Variants in RSRC1 observed in about 807,000 individuals in gnomAD.
RSRC1 encodes arginine and serine rich coiled-coil 1, also known as serine/Arginine-related protein 53.
Under a neutral mutation model 49.1 loss-of-function variants are expected in RSRC1, and 39 were observed. The observed-to-expected ratio is 0.79, with a 90% CI of 0.61 to 1.04. The LOEUF (loss-of-function observed/expected upper bound fraction) is 1.04. Ranked by LOEUF, RSRC1 falls within the 50% of genes least tolerant of loss-of-function variation. The pLI is 0.00. For synonymous variants in RSRC1, 143 were observed against 130.8 expected, an observed-to-expected ratio of 1.09 and a Z score of -0.63; for missense variants, 388 against 402.4, an observed-to-expected ratio of 0.96 and a Z score of 0.31.
intron 6 of RSRC1, among the ~76,000 whole-genome samples, chr3:158,426,120 A>G (rs1276677555): frequency 6.6e-6 from 1 of 151,748 alleles, no homozygotes; most frequent in African/African-American, 2.4e-5. Context: ...TGAAATTTTC[A>G]AACTTTTAGA....
At position 158,268,276 on chromosome 3, in the gene RSRC1, C is replaced by T. The variant is rs184251685; in HGVS notation, c.495-29763C>T. 4.1e-3 allele frequency among the ~76,000 whole-genome samples: 619 copies of T among 152,246 alleles called. 4 individuals carry two copies. Among genetic ancestry groups the T allele is most frequent in the African/African-American group, 0.013 (554 of 41,546 alleles). ...TTGGTTAATACACTTAATTTAAAAACGCATCAAAGGTATATTTCTCTCTAA... is the reference window on the plus strand; with the variant it reads ...TTGGTTAATACACTTAATTTAAAAATGCATCAAAGGTATATTTCTCTCTAA... On this transcript the variant is annotated intron_variant, in intron 4 of 9. Transcript: ENST00000611884.
chr3:158,358,794 C>G (rs1236346324), intron 6 of RSRC1, among the ~76,000 whole-genome samples: 2 of 152,062 alleles, frequency 1.3e-5, no homozygotes, highest in African/African-American at 4.8e-5. Context: ...AACCACCATT[C>G]TCCCTCTGTC....
At chr3:158,115,469 C>T (rs1466545732) in intron 1 of RSRC1, among the ~76,000 whole-genome samples, 1 of 152,078 alleles carries the variant, frequency 6.6e-6, no homozygotes, top group African/African-American at 2.4e-5. Flanking sequence ...TCTCTTTACA[C>T]TCTGAAACAT....
chr3:158,450,633 T>C (rs1418547512), intron 6 of RSRC1, among the ~76,000 whole-genome samples: 1 of 151,872 alleles, frequency 6.6e-6, no homozygotes, highest in African/African-American at 2.4e-5. Context: ...ATTATGACCA[T>C]AGTTTTATAG....
intron 6 of RSRC1, among the ~76,000 whole-genome samples, chr3:158,424,724 G>T (rs1182532085): frequency 1.3e-5 from 2 of 151,844 alleles, no homozygotes; most frequent in Admixed American, 6.6e-5. Flanking sequence ...CCTTTTTGGT[G>T]GGTAAGCTAT....
At chr3:158,168,292 G>A (rs770072795) in intron 3 of RSRC1, among the ~76,000 whole-genome samples, 38 of 152,162 alleles carry the variant, frequency 2.5e-4, no homozygotes, top group Non-Finnish European at 4.4e-4. Flanking sequence ...AGCTGATCCA[G>A]CTAACCACAA....
Position 158,147,339 on chromosome 3 carries a change from C to G in RSRC1, c.320+23348C>G, listed in dbSNP as rs141513705. On this transcript the variant is annotated intron_variant, in intron 3 of 9. Coordinates refer to ENST00000611884, the MANE Select transcript of RSRC1 (RefSeq NM_001271838.2). Reference sequence around the variant, plus strand: ...CACTGCAACCTTGACCACCTGGGCTCAATTGATCCTCTCATCTCAACCTCC... The same window carrying G: ...CACTGCAACCTTGACCACCTGGGCTGAATTGATCCTCTCATCTCAACCTCC... Among the ~76,000 whole-genome samples, 164 of 151,878 alleles carry G rather than the reference C, an allele frequency of 1.1e-3. 2 individuals are homozygous for G. Among genetic ancestry groups the G allele is most frequent in the African/African-American group, 3.8e-3 (159 of 41,396 alleles).
intron 4 of RSRC1, among the ~76,000 whole-genome samples, chr3:158,293,308 A>ATATG (rs1486530007): frequency 2.0e-5 from 3 of 152,008 alleles, no homozygotes; most frequent in African/African-American, 7.2e-5. Context: ...ACGTACGTAC[A>ATATG]TATGTATGTA....
intron 3 of RSRC1, among the ~76,000 whole-genome samples, chr3:158,138,833 A>G (rs1354767876): frequency 6.6e-6 from 1 of 152,216 alleles, no homozygotes; most frequent in East Asian, 1.9e-4. Context: ...CAAAAAATTA[A>G]TAATGATTAC....
rs56789942 is a variant in RSRC1 at position 158,202,562 on chromosome 3, T to TTATA, written c.321-494_321-491dup. Among the ~76,000 whole-genome samples the TTATA allele has an allele frequency of 5.4e-4, 50 of 92,022 alleles. 2 individuals are homozygous for TTATA. Among genetic ancestry groups the TTATA allele is most frequent in the African/African-American group, 1.5e-3 (28 of 18,896 alleles). The allele number at this position is 92,022 out of a possible 152,430, so 60.4% of individuals were successfully genotyped here. A position where few individuals can be genotyped will look rare whatever the true frequency, so the allele number is the denominator to read the frequency against. On this transcript the variant is annotated intron_variant, in intron 3 of 9. Transcript: ENST00000611884. ...TCTGTAGGGTTGTCAGTCTGGTAGA[T>TTATA]TATATATATATATATATATGTTTTA...
At chr3:158,209,152 A>C (rs1187220342) in intron 4 of RSRC1, among the ~76,000 whole-genome samples, 1 of 152,178 alleles carries the variant, frequency 6.6e-6, no homozygotes, top group African/African-American at 2.4e-5. Flanking sequence ...TGGTTTGAAT[A>C]TGTCTCCCAA....
At chr3:158,151,776 A>T (rs901525094) in intron 3 of RSRC1, among the ~76,000 whole-genome samples, 11 of 152,234 alleles carry the variant, frequency 7.2e-5, no homozygotes, top group Non-Finnish European at 1.3e-4. Context: ...ACACAGTGTC[A>T]TTATATGTAG....
chr3:158,480,488 G>A (rs1451492384), intron 7 of RSRC1, among the ~76,000 whole-genome samples: 3 of 151,944 alleles, frequency 2.0e-5, no homozygotes, highest in Non-Finnish European at 4.4e-5. Flanking sequence ...GTTAGAAAGT[G>A]CTCTGAATGC....
At chr3:158,487,384 T>A (rs1450247082) in intron 7 of RSRC1, among the ~76,000 whole-genome samples, 2 of 152,214 alleles carry the variant, frequency 1.3e-5, no homozygotes, top group Non-Finnish European at 2.9e-5. Flanking sequence ...ACACACTTTT[T>A]ATTTTTCACG....
intron 4 of RSRC1, among the ~76,000 whole-genome samples, chr3:158,286,054 T>C (rs1043571206): frequency 2.6e-5 from 4 of 152,216 alleles, no homozygotes; most frequent in African/African-American, 9.6e-5. Flanking sequence ...GTTAGCTATT[T>C]GTACAGTATT....
chr3:158,237,984 A>C (rs1004131746), intron 4 of RSRC1, among the ~76,000 whole-genome samples: 8 of 152,100 alleles, frequency 5.3e-5, no homozygotes, highest in African/African-American at 1.9e-4. Context: ...CATCAGCCTA[A>C]AATCTCCTTA....
At chr3:158,452,865 T>C (rs978475353) in intron 6 of RSRC1, among the ~76,000 whole-genome samples, 7 of 152,170 alleles carry the variant, frequency 4.6e-5, no homozygotes, top group Non-Finnish European at 1.0e-4. Context: ...ACCACTGCAG[T>C]TGGGTAGAAG....
chr3:158,396,951 C>T (rs1733642835), intron 6 of RSRC1, among the ~76,000 whole-genome samples: 1 of 152,038 alleles, frequency 6.6e-6, no homozygotes, highest in Non-Finnish European at 1.5e-5. Context: ...TATGAGAAAA[C>T]AACAGTTTAG....
chr3:158,234,684 C>T (rs1723144865), intron 4 of RSRC1, among the ~76,000 whole-genome samples: 1 of 152,076 alleles, frequency 6.6e-6, no homozygotes, highest in South Asian at 2.1e-4. Flanking sequence ...ATCCTCTTCT[C>T]CCTGTTCCTC....
Sources: gnomAD v4.1 joint callset for allele counts (sites outside exome capture counted in the v4.1 genomes callset) on GRCh38, gnomAD v4.1.1 for gene constraint, MANE v1.5 for transcripts, NCBI Gene and HGNC (gene_info 2026-07-23, HGNC 2026-07-21) for gene names.